Variants in ANO3 observed in about 807,000 individuals in gnomAD.
ANO3 encodes the protein anoctamin 3, also known as anoctamin-3.
Under a neutral mutation model 144.8 loss-of-function variants are expected in ANO3, and 99 were observed. The observed-to-expected ratio is 0.68, with a 90% CI of 0.58 to 0.81. ANO3 has a LOEUF of 0.81. ANO3 is among the 30% of genes least tolerant of loss of function. ANO3 has a pLI of 0.00. For synonymous variants in ANO3, 414 were observed against 392.6 expected (o/e 1.05, Z -0.64); for missense variants, 905 against 1,202.2 (o/e 0.75, Z 3.66).
intron 1 of ANO3, among the ~76,000 whole-genome samples, chr11:26,199,239 T>G (rs1410467422): frequency 6.6e-6 from 1 of 152,106 alleles, no homozygotes; most frequent in Non-Finnish European, 1.5e-5. Context: ...TGACTCCATA[T>G]CCTTTTGCAG....
intron 17 of ANO3, among the ~76,000 whole-genome samples, chr11:26,617,868 A>G (rs1852305680): frequency 6.6e-6 from 1 of 152,332 alleles, no homozygotes; most frequent in Admixed American, 6.5e-5. Context: ...CACATCACAG[A>G]TTACTAAATA....
intron 4 of ANO3, among the ~76,000 whole-genome samples, chr11:26,484,788 G>A (rs1860377465): frequency 4.6e-5 from 7 of 152,174 alleles, no homozygotes; most frequent in Admixed American, 4.6e-4. Context: ...CAGAGCCACT[G>A]GGGCACATAT....
At chr11:26,496,838 A>C (rs293950) in intron 4 of ANO3, among the ~76,000 whole-genome samples, 151,691 of 152,140 alleles carry the variant, frequency 1, 75,624 homozygotes, top group Middle Eastern at 1. Context: ...ATCCATGTTG[A>C]TGTAAAAGAC....
chr11:26,559,905 G>A (rs1850219837), intron 14 of ANO3, 126 bp downstream of exon 14: 1 of 713,212 alleles, frequency 1.4e-6, no homozygotes, highest in African/African-American at 1.8e-5. Flanking sequence ...AAAGCCTCTA[G>A]GTTGGTACTT....
At chr11:26,467,777 C>T (rs564683161) in intron 4 of ANO3, among the ~76,000 whole-genome samples, 1 of 151,222 alleles carries the variant, frequency 6.6e-6, no homozygotes, top group Non-Finnish European at 1.5e-5. Flanking sequence ...TAAAACTTTT[C>T]TTTAAGACCA....
Position 26,442,615 on chromosome 11 carries a change from C to G in ANO3, c.241+503C>G, listed in dbSNP as rs368287214. On this transcript the variant is annotated intron_variant, in intron 2 of 26. Coordinates refer to ENST00000256737, the MANE Select transcript of ANO3 (RefSeq NM_031418.4). ...TTTTAGAGACATACCAGCAAGGTGCCACACAAAGAAACGCTGTGGCTACCC... is the reference window on the plus strand; with the variant it reads ...TTTTAGAGACATACCAGCAAGGTGCGACACAAAGAAACGCTGTGGCTACCC... Among the ~76,000 whole-genome samples, 28 of 152,292 alleles carry G rather than the reference C, an allele frequency of 1.8e-4. No individual in the cohort carries two copies. In the South Asian group the frequency reaches 5.6e-3, roughly 30 times the overall value.
chr11:26,429,878 G>T (rs1858028443), intron 1 of ANO3, among the ~76,000 whole-genome samples: 2 of 152,064 alleles, frequency 1.3e-5, no homozygotes, highest in South Asian at 4.1e-4. Context: ...CAAAGAGATA[G>T]ATACTAACAC....
intron 1 of ANO3, among the ~76,000 whole-genome samples, chr11:26,427,720 G>A (rs1280383677): frequency 6.6e-6 from 1 of 151,986 alleles, no homozygotes; most frequent in African/African-American, 2.4e-5. Context: ...TGCTAATAAA[G>A]ACATACCCGA....
At chr11:26,461,014 T>C (rs1395493741) in intron 3 of ANO3, among the ~76,000 whole-genome samples, 1 of 152,058 alleles carries the variant, frequency 6.6e-6, no homozygotes, top group Non-Finnish European at 1.5e-5. Flanking sequence ...ATTTGCCGAT[T>C]GCTGTTTAAC....
chr11:26,210,328 G>A (rs1458889098), intron 1 of ANO3, among the ~76,000 whole-genome samples: 1 of 152,126 alleles, frequency 6.6e-6, no homozygotes, highest in African/African-American at 2.4e-5. Context: ...CCTCTGTTCT[G>A]TTCCACTGGA....
At chr11:26,358,199 G>A (rs1335446171) in intron 1 of ANO3, among the ~76,000 whole-genome samples, 1 of 127,010 alleles carries the variant, frequency 7.9e-6, no homozygotes, top group South Asian at 2.5e-4. Flanking sequence ...TTGAGATGGA[G>A]TCTCACTCTG....
In ANO3 at chr11:26,561,682, G is replaced by A. The variant is rs75525455; in HGVS notation, c.1447+1903G>A. Among the ~76,000 whole-genome samples the A allele has an allele frequency of 4.4e-3, 671 of 151,970 alleles. 5 individuals carry two copies. The highest frequency in any genetic ancestry group is 0.015 in the African/African-American group (640 of 41,510). On this transcript the variant is annotated intron_variant, in intron 14 of 26. Transcript: ENST00000256737. The stretch of plus-strand genomic sequence containing the variant: ...GTATCTTGATGGCTAAACCATTTAA[G>A]GTGGAGGAGATAAAAAAAGTATTTG...
Position 26,643,229 on chromosome 11 carries a change from G to C in ANO3, c.2323G>C (p.Ala775Pro), listed in dbSNP as rs751295856. Residue 775 changes from alanine to proline, a missense_variant, in exon 23 of 27, where the codon GCC (alanine) becomes CCC (proline). Around this residue, in one of 4 missense-constraint regions of ANO3, gnomAD observed 597 missense variants for 865.1 expected, o/e 0.69. Coordinates refer to ENST00000256737, the MANE Select transcript of ANO3 (RefSeq NM_031418.4). Reference sequence around the variant, plus strand: ...CATCTTTGTTGCGGCTTTTCCTCTAGCCCCTCTTTTGGCTTTGTTAAACAA... The same window carrying C: ...CATCTTTGTTGCGGCTTTTCCTCTACCCCCTCTTTTGGCTTTGTTAAACAA... Reference protein sequence around the residue: ...TTIFVAAFPLAPLLALLNNII... With the variant: ...TTIFVAAFPLPPLLALLNNII... The C allele has an allele frequency of 6.2e-7, 1 of 1,614,022 alleles. No homozygotes were observed. Among genetic ancestry groups the C allele is most frequent in the Non-Finnish European group, 8.5e-7 (1 of 1,179,964 alleles).
intron 1 of ANO3, among the ~76,000 whole-genome samples, chr11:26,379,565 T>A (rs991947605): frequency 3.9e-5 from 6 of 152,006 alleles, no homozygotes; most frequent in African/African-American, 1.5e-4. Context: ...GTGGATTGCT[T>A]GAGCACAGGA....
chr11:26,236,094 T>A (rs1413995779), intron 1 of ANO3, among the ~76,000 whole-genome samples: 1 of 152,164 alleles, frequency 6.6e-6, no homozygotes, highest in African/African-American at 2.4e-5. Flanking sequence ...TCCCATTCTG[T>A]TTTTACAGGT....
intron 5 of ANO3, 107 bp from the exon 6 acceptor site, chr11:26,516,720 T>C (rs1861878826): frequency 1.6e-6 from 1 of 625,402 alleles, no homozygotes; most frequent in Non-Finnish European, 2.7e-6. Flanking sequence ...GTGTCAGTGA[T>C]CATGCATAGT....
chr11:26,276,694 C>T (rs913878382), intron 1 of ANO3, among the ~76,000 whole-genome samples: 1 of 152,086 alleles, frequency 6.6e-6, no homozygotes, highest in Non-Finnish European at 1.5e-5. Context: ...CAATTCAATG[C>T]GTTTGAAATA....
chr11:26,411,014 C>G (rs982651953), intron 1 of ANO3, among the ~76,000 whole-genome samples: 5 of 151,914 alleles, frequency 3.3e-5, no homozygotes, highest in African/African-American at 1.2e-4. Context: ...AATCTATTGG[C>G]TAAAATTTCA....
In ANO3 at chr11:26,542,012, T is replaced by C; in HGVS notation, c.1098T>C (p.Tyr366=). 2 of 1,613,030 alleles carry C rather than the reference T, an allele frequency of 1.2e-6. No individual in the cohort carries two copies. Among genetic ancestry groups the C allele is most frequent in the Non-Finnish European group, 8.5e-7 (1 of 1,179,306 alleles). Reference sequence around the variant, plus strand: ...CTCAGAATAACAGACATCTATTATATGAGCGCTGGGCACGCTGGGGAATGT... The same window carrying C: ...CTCAGAATAACAGACATCTATTATACGAGCGCTGGGCACGCTGGGGAATGT... The part of the protein sequence containing the change: ...HGPQNNRHLL[Y]ERWARWGMWY... Residue 366 remains tyrosine, a synonymous_variant, in exon 11 of 27, where the codon TAT becomes TAC. Coordinates refer to ENST00000256737, the MANE Select transcript of ANO3 (RefSeq NM_031418.4).
Sources: gnomAD v4.1 joint callset for allele counts (sites outside exome capture counted in the v4.1 genomes callset) on GRCh38, gnomAD v4.1.1 for gene constraint, gnomAD v4.1.1 regional missense constraint, MANE v1.5 for transcripts, NCBI Gene and HGNC (gene_info 2026-07-23, HGNC 2026-07-21) for gene names.